PARD3B: variants seen among roughly 807,000 people sequenced by gnomAD.
PARD3B encodes par-3 family cell polarity regulator beta, also known as partitioning defective 3 homolog B.
In PARD3B, 103 loss-of-function variants were observed where a neutral mutation model predicts 130.2. The observed-to-expected ratio is 0.79, with a 90% CI of 0.67 to 0.93. The LOEUF is 0.93. Ranked by LOEUF, PARD3B falls within the 40% of genes least tolerant of loss-of-function variation. The pLI is 0.00. For synonymous variants in PARD3B, 583 were observed against 553.2 expected (o/e 1.05, Z -0.76); for missense variants, 1,609 against 1,499.2 (o/e 1.07, Z -1.21).
At position 204,677,071 on chromosome 2, in the gene PARD3B, A is replaced by T. The variant is rs936104639; in HGVS notation, c.121-9110A>T. 1.4e-4 allele frequency among the ~76,000 whole-genome samples: 22 copies of T among 152,134 alleles called. No individual in the cohort carries two copies. Among genetic ancestry groups the T allele is most frequent in the Admixed American group, 3.9e-4 (6 of 15,282 alleles). ...ACAGAAAAAGCCAAATCTCTCTTTTATGTGGAAGGCTTTTAGTTGGATTGG... is the reference window on the plus strand; with the variant it reads ...ACAGAAAAAGCCAAATCTCTCTTTTTTGTGGAAGGCTTTTAGTTGGATTGG... On this transcript the variant is annotated intron_variant, in intron 1 of 22. Coordinates refer to ENST00000406610, the MANE Select transcript of PARD3B (RefSeq NM_001302769.2). This position sits in a 1 kb window ranked among gnomAD's most constrained non-coding sequence, Gnocchi z 4.1.
In PARD3B at chr2:204,643,038, C is replaced by T. The variant is rs181251413; in HGVS notation, c.121-43143C>T. 2.5e-3 allele frequency among the ~76,000 whole-genome samples: 349 copies of T among 141,632 alleles called. 4 individuals carry two copies. The South Asian group carries it at 0.025, about 10-fold the overall frequency. 92.9% of individuals were successfully genotyped at this position (141,632 alleles called of 152,430 possible). ...CTGAGGCAGGAGAATCATTTGAACC[C>T]GGGGGGCGCAGATTGCAGTGAGCCG... On this transcript the variant is annotated intron_variant, in intron 1 of 22. Coordinates refer to ENST00000406610, the MANE Select transcript of PARD3B (RefSeq NM_001302769.2).
At chr2:204,612,593 C>T (rs1413578186) in intron 1 of PARD3B, among the ~76,000 whole-genome samples, 1 of 152,096 alleles carries the variant, frequency 6.6e-6, no homozygotes, top group Non-Finnish European at 1.5e-5. Context: ...ATGTATATAT[C>T]TGTATTTTGT....
intron 20 of PARD3B, among the ~76,000 whole-genome samples, chr2:205,467,098 G>A (rs1217829792): frequency 1.3e-5 from 2 of 152,326 alleles, no homozygotes; most frequent in South Asian, 4.1e-4. Context: ...TCATAAACAA[G>A]CACAAAGGTT....
At chr2:205,104,591 A>T in intron 5 of PARD3B, 77 bp downstream of exon 5, 2 of 1,024,562 alleles carry the variant, frequency 2.0e-6, no homozygotes, top group Non-Finnish European at 3.0e-6. Context: ...AATTGTTCTT[A>T]CTTTACAAGA....
intron 1 of PARD3B, among the ~76,000 whole-genome samples, chr2:204,551,187 G>A (rs1173864120): frequency 6.6e-6 from 1 of 152,164 alleles, no homozygotes; most frequent in Non-Finnish European, 1.5e-5. Context: ...TTGTAGGTCT[G>A]CTCAGTGTTA....
intron 3 of PARD3B, among the ~76,000 whole-genome samples, chr2:205,041,366 A>G (rs1184167659): frequency 1.3e-5 from 2 of 152,204 alleles, no homozygotes; most frequent in Non-Finnish European, 2.9e-5. Context: ...GCAGTTGCCA[A>G]AACCTCCCTA....
At chr2:204,684,328 C>A (rs555467253) in intron 1 of PARD3B, among the ~76,000 whole-genome samples, 27 of 152,198 alleles carry the variant, frequency 1.8e-4, no homozygotes, top group African/African-American at 6.0e-4. Context: ...TGGTTAAAAT[C>A]AACAGATTTC....
At chr2:205,478,822 G>A (rs974594094) in intron 20 of PARD3B, among the ~76,000 whole-genome samples, 1 of 152,114 alleles carries the variant, frequency 6.6e-6, no homozygotes, top group Non-Finnish European at 1.5e-5. Flanking sequence ...CTAGAAATGT[G>A]CATGCTATAT....
At chr2:205,509,312 A>G (rs2050500255) in intron 21 of PARD3B, among the ~76,000 whole-genome samples, 1 of 152,182 alleles carries the variant, frequency 6.6e-6, no homozygotes, top group Non-Finnish European at 1.5e-5. Flanking sequence ...TAATCCCAGA[A>G]CAATAACCTT....
intron 22 of PARD3B, among the ~76,000 whole-genome samples, chr2:205,555,586 T>C (rs942844990): frequency 6.6e-6 from 1 of 152,198 alleles, no homozygotes; most frequent in African/African-American, 2.4e-5. Flanking sequence ...TATGGCTCTT[T>C]ATGAATGTAT....
intron 2 of PARD3B, among the ~76,000 whole-genome samples, chr2:204,748,542 G>A (rs569560784): frequency 4.4e-4 from 67 of 152,212 alleles, no homozygotes; most frequent in African/African-American, 1.6e-3. Context: ...ACTAGACATG[G>A]GGAGGTTGTT....
intron 2 of PARD3B, among the ~76,000 whole-genome samples, chr2:204,791,061 C>T (rs901916429): frequency 5.3e-5 from 8 of 151,830 alleles, no homozygotes; most frequent in Admixed American, 1.3e-4. Context: ...GCCAAGATGA[C>T]GCCACCGCCC....
At position 204,780,714 on chromosome 2, in the gene PARD3B, C is replaced by T. The variant is rs542386923; in HGVS notation, c.222+94432C>T. The stretch of plus-strand genomic sequence containing the variant: ...CTACGTATCTGAGTGGAAAAACAGA[C>T]GCATTTGGGGGCATATACATATCTG... On this transcript the variant is annotated intron_variant, in intron 2 of 22. Transcript: ENST00000406610. 3.3e-4 allele frequency among the ~76,000 whole-genome samples: 50 copies of T among 152,148 alleles called. 1 individual carries two copies. The highest frequency in any genetic ancestry group is 9.9e-4 in the African/African-American group (41 of 41,532).
Position 205,230,112 on chromosome 2 carries a change from C to T in PARD3B, c.2141-15666C>T, listed in dbSNP as rs1410924785. On this transcript the variant is annotated intron_variant, in intron 15 of 22. Coordinates refer to ENST00000406610, the MANE Select transcript of PARD3B (RefSeq NM_001302769.2). The surrounding 1 kb of genome is among the most constrained non-coding windows in gnomAD (Gnocchi z 4.1). ...GAGCCAAAGTGTGGAATTGGTGATC[C>T]CAAGAACCCGCTTTGTGCTCTATAC... 6.6e-6 allele frequency among the ~76,000 whole-genome samples: 1 copy of T among 151,952 alleles called. No individual in the cohort carries two copies. Among genetic ancestry groups the T allele is most frequent in the African/African-American group, 2.4e-5 (1 of 41,370 alleles).
intron 3 of PARD3B, among the ~76,000 whole-genome samples, chr2:204,970,503 G>T (rs1311768000): frequency 6.6e-6 from 1 of 152,098 alleles, no homozygotes; most frequent in Non-Finnish European, 1.5e-5. Context: ...TCTCCAATGG[G>T]CCATGATGGT....
At chr2:205,081,788 G>A (rs778560283) in intron 4 of PARD3B, among the ~76,000 whole-genome samples, 8 of 152,094 alleles carry the variant, frequency 5.3e-5, no homozygotes, top group Non-Finnish European at 8.8e-5. Context: ...TTTACTAACA[G>A]TTGATTAAAT....
At chr2:204,732,651 C>G (rs989375234) in intron 2 of PARD3B, among the ~76,000 whole-genome samples, 1 of 151,964 alleles carries the variant, frequency 6.6e-6, no homozygotes, top group Non-Finnish European at 1.5e-5. Flanking sequence ...CTTACTTCTT[C>G]TTCACATCTC....
At chr2:205,396,321 A>G (rs1421371783) in intron 18 of PARD3B, among the ~76,000 whole-genome samples, 2 of 152,334 alleles carry the variant, frequency 1.3e-5, no homozygotes, top group African/African-American at 4.8e-5. Flanking sequence ...AAATTTCATG[A>G]CGATATTGTG....
At chr2:205,313,963 CATATT>C (rs1207677987) in intron 18 of PARD3B, among the ~76,000 whole-genome samples, 2 of 152,306 alleles carry the variant, frequency 1.3e-5, no homozygotes, top group South Asian at 2.1e-4. Flanking sequence ...TTTGCATACT[CATATT>C]AAATAACTAA....
Sources: gnomAD v4.1 joint callset for allele counts (sites outside exome capture counted in the v4.1 genomes callset) on GRCh38, gnomAD v4.1.1 for gene constraint, Gnocchi (gnomAD v3.1) non-coding constraint, MANE v1.5 for transcripts, NCBI Gene and HGNC (gene_info 2026-07-23, HGNC 2026-07-21) for gene names.